The following CDK17 variants were observed in gnomAD, a reference collection of about 807,000 sequenced individuals.
The protein encoded by CDK17 is cyclin-dependent kinase 17.
A neutral mutation model predicts 77.6 loss-of-function variants in CDK17; 24 were observed. The observed-to-expected ratio is 0.31, with a 90% CI of 0.22 to 0.44. The LOEUF (loss-of-function observed/expected upper bound fraction) is 0.44. CDK17 is among the 20% of genes least tolerant of loss of function. CDK17 has a pLI of 1.00. For synonymous variants in CDK17, 203 were observed against 210.4 expected (o/e 0.96, Z 0.30); for missense variants, 429 against 622.5 (o/e 0.69, Z 3.31).
Position 96,295,046 on chromosome 12 carries a change from T to A in CDK17, c.950A>T (p.Gln317Leu). Residue 317 changes from glutamine to leucine, a missense_variant, in exon 10 of 17, where the codon CAG (glutamine) becomes CTG (leucine). Physicochemically the swap from Gln to Leu is moderately radical, Grantham distance 113 (BLOSUM62 -2). Transcript: ENST00000261211. ...RKVLHRDLKP[Q>L]NLLINEKGEL... ...TCCTTTCTCATTAATGAGGAGGTTC[T>A]GTGGTTTCAAGTCTCGATGCAATAC... is the stretch of plus-strand genomic sequence containing the variant. The A allele has an allele frequency of 6.2e-7, 1 of 1,613,282 alleles. No homozygotes were observed. Among genetic ancestry groups the A allele is most frequent in the Non-Finnish European group, 8.5e-7 (1 of 1,179,442 alleles).
At chr12:96,347,625 A>AGGGAGGGGAG (rs1392418893) in intron 1 of CDK17, among the ~76,000 whole-genome samples, 1 of 7,938 alleles carries the variant, frequency 1.3e-4, no homozygotes, top group Non-Finnish European at 1.9e-4. Context: ...AGGGAGGGGA[A>AGGGAGGGGAG]GGGAGGGGAG....
intron 3 of CDK17, among the ~76,000 whole-genome samples, chr12:96,322,261 T>C (rs911279586): frequency 6.6e-6 from 1 of 152,194 alleles, no homozygotes; most frequent in East Asian, 1.9e-4. Flanking sequence ...AGATACAACA[T>C]ACTTTTCTCC....
chr12:96,360,355 C>T (rs909703165), intron 1 of CDK17, among the ~76,000 whole-genome samples: 3 of 152,120 alleles, frequency 2.0e-5, no homozygotes, highest in African/African-American at 7.2e-5. Flanking sequence ...AACAGTTTTA[C>T]AAGAGCTGGT....
chr12:96,280,599 G>T, intron 16 of CDK17: 2 of 1,414,084 alleles, frequency 1.4e-6, no homozygotes, highest in Non-Finnish European at 1.8e-6. Flanking sequence ...TCCCTGACTT[G>T]ACTGAGTCAG....
chr12:96,354,416 G>A (rs927689146), intron 1 of CDK17, among the ~76,000 whole-genome samples: 72 of 152,152 alleles, frequency 4.7e-4, no homozygotes, highest in Admixed American at 2.5e-3. Context: ...CTTCACCATG[G>A]CAGTAAATGG....
chr12:96,330,356 A>G (rs1952950009), intron 2 of CDK17, among the ~76,000 whole-genome samples: 1 of 152,220 alleles, frequency 6.6e-6, no homozygotes, highest in African/African-American at 2.4e-5. Flanking sequence ...GCTCAGATGA[A>G]CTGAATTTTT....
chr12:96,332,393 T>C (rs899137658), intron 2 of CDK17, among the ~76,000 whole-genome samples: 10 of 152,248 alleles, frequency 6.6e-5, no homozygotes, highest in South Asian at 2.1e-4. Context: ...ACTGCTTACA[T>C]TGTATGTGAG....
intron 9 of CDK17, 111 bp downstream of exon 9, chr12:96,297,159 G>A (rs1286783969): frequency 1.6e-6 from 1 of 606,336 alleles, no homozygotes; most frequent in East Asian, 2.9e-5. Context: ...CTATTTAAAA[G>A]GCCAAACAGA....
rs74832052 is a variant in CDK17, at chr12:96,353,741, T to C, written c.-29-18876A>G. On this transcript the variant is annotated intron_variant, in intron 1 of 16. Coordinates refer to ENST00000261211, the MANE Select transcript of CDK17 (RefSeq NM_002595.5). The stretch of plus-strand genomic sequence containing the variant: ...GTTAGTTTCCCAAGCTGAATTTCAA[T>C]TAACCTATCTTAGCAAACAGAACAT... Among the ~76,000 whole-genome samples, 65 of 152,266 alleles carry C rather than the reference T, an allele frequency of 4.3e-4. 1 individual carries two copies. In the East Asian group the frequency reaches 0.012, roughly 28 times the overall value.
At chr12:96,398,136 CG>C (rs1954202006) in intron 1 of CDK17, among the ~76,000 whole-genome samples, 1 of 115,464 alleles carries the variant, frequency 8.7e-6, no homozygotes, top group Non-Finnish European at 1.7e-5. Context: ...CAAAGACTCC[CG>C]TTTTTTTTTA....
At chr12:96,354,820 A>G (rs1953369761) in intron 1 of CDK17, among the ~76,000 whole-genome samples, 1 of 152,044 alleles carries the variant, frequency 6.6e-6, no homozygotes. Flanking sequence ...GAAGTTTGAG[A>G]CTGCAATGAG....
At position 96,297,280 on chromosome 12, in the gene CDK17, T is replaced by A; in HGVS notation, c.863A>T (p.His288Leu). ...CGCAAGAAAACATACCTTTACGTTGTGCATACTCATGATGTTTCCACAGTC... is the reference window on the plus strand; with the variant it reads ...CGCAAGAAAACATACCTTTACGTTGAGCATACTCATGATGTTTCCACAGTC... The part of the protein sequence containing the change: ...MDDCGNIMSM[H>L]NVKLFLYQIL... The change falls in exon 9 of 17, where the codon CAC becomes CTC. Residue 288 changes from histidine to leucine, a missense_variant. His to Leu is a moderately conservative substitution (Grantham distance 99). Coordinates refer to ENST00000261211, the MANE Select transcript of CDK17 (RefSeq NM_002595.5). 6.2e-7 allele frequency: 1 copy of A among 1,609,036 alleles called. No homozygotes were observed. The highest frequency in any genetic ancestry group is 8.5e-7 in the Non-Finnish European group (1 of 1,176,516).
At chr12:96,371,315 G>A (rs1315592691) in intron 1 of CDK17, among the ~76,000 whole-genome samples, 1 of 152,124 alleles carries the variant, frequency 6.6e-6, no homozygotes, top group Admixed American at 6.5e-5. Context: ...TCACCACATG[G>A]TGACATATCA....
At position 96,298,927 on chromosome 12, in the gene CDK17, T is replaced by C. The variant is rs1952454940; in HGVS notation, c.657A>G (p.Ala219=). The part of the protein sequence containing the change: ...GRSKLTENLV[A]LKEIRLEHEE... Reference sequence around the variant, plus strand: ...CATGTTCCAATCGGATCTCTTTTAATGCCACCAAATTCTCTGTCAATTTAC... The same window carrying C: ...CATGTTCCAATCGGATCTCTTTTAACGCCACCAAATTCTCTGTCAATTTAC... The change falls in exon 7 of 17, where the codon GCA becomes GCG. Residue 219 remains alanine, a synonymous_variant. Coordinates refer to ENST00000261211, the MANE Select transcript of CDK17 (RefSeq NM_002595.5). The C allele has an allele frequency of 6.2e-7, 1 of 1,611,130 alleles. No individual in the cohort carries two copies. Among genetic ancestry groups the C allele is most frequent in the Non-Finnish European group, 8.5e-7 (1 of 1,177,478 alleles).
chr12:96,359,052 T>C lies in CDK17; in HGVS notation c.-29-24187A>G, dbSNP rs544683296. 3.6e-4 allele frequency among the ~76,000 whole-genome samples: 54 copies of C among 151,958 alleles called. 1 individual carries two copies. The South Asian group carries it at 0.011, about 30-fold the overall frequency. On this transcript the variant is annotated intron_variant, in intron 1 of 16. Coordinates refer to ENST00000261211, the MANE Select transcript of CDK17 (RefSeq NM_002595.5). ...GTATAAAATTTGATGTCATCGGGTATGAAATTTGGTCTCTTTTGTAAGATG... is the reference window on the plus strand; with the variant it reads ...GTATAAAATTTGATGTCATCGGGTACGAAATTTGGTCTCTTTTGTAAGATG...
intron 1 of CDK17, among the ~76,000 whole-genome samples, chr12:96,385,837 GAAACAAGCTAA>G (rs1953964137): frequency 6.6e-6 from 1 of 151,814 alleles, no homozygotes; most frequent in Non-Finnish European, 1.5e-5. Context: ...TCACTGATAA[GAAACAAGCTAA>G]AAGAGTCAGA....
intron 1 of CDK17, among the ~76,000 whole-genome samples, chr12:96,344,238 C>T (rs942312454): frequency 1.3e-5 from 2 of 152,194 alleles, no homozygotes; most frequent in African/African-American, 4.8e-5. Context: ...CCCACCTACA[C>T]AGCATAGGAG....
At chr12:96,297,378 T>A (rs770048798) in intron 8 of CDK17, 46 bp from the exon 9 acceptor site, 20 of 1,256,198 alleles carry the variant, frequency 1.6e-5, no homozygotes, top group African/African-American at 3.0e-5. Flanking sequence ...ATTTTCAGAA[T>A]GTTGTGACTG....
chr12:96,315,293 T>A (rs576035917), intron 3 of CDK17, among the ~76,000 whole-genome samples: 1 of 152,364 alleles, frequency 6.6e-6, no homozygotes, highest in Middle Eastern at 3.4e-3. Flanking sequence ...ACTCACTTTA[T>A]GTCTGTATTT....
Sources: allele counts gnomAD v4.1 joint callset (sites outside exome capture counted in the v4.1 genomes callset), GRCh38; gene constraint gnomAD v4.1.1; transcripts MANE v1.5; gene names NCBI Gene and HGNC (gene_info 2026-07-23, HGNC 2026-07-21).